DLG5: variants seen among roughly 807,000 people sequenced by gnomAD.
The protein encoded by DLG5 is discs large MAGUK scaffold protein 5, also known as disks large homolog 5.
In DLG5, 48 loss-of-function variants were observed where a neutral mutation model predicts 189.8. That is an observed-to-expected ratio of 0.25 (90% confidence interval 0.20 to 0.32). DLG5 has a LOEUF of 0.32. Ranked by LOEUF, DLG5 falls within the 10% of genes least tolerant of loss-of-function variation. DLG5 has a pLI of 1.00. For synonymous variants in DLG5, 1,016 were observed against 1,054.1 expected (o/e 0.96, Z 0.70); for missense variants, 2,160 against 2,544.7 (o/e 0.85, Z 3.25).
At chr10:77,806,011 G>A (rs185398005) in intron 26 of DLG5, 150 bp from the exon 27 acceptor site, 63 of 722,188 alleles carry the variant, frequency 8.7e-5, no homozygotes, top group African/African-American at 8.3e-4. Context: ...CTCCTCCCAC[G>A]CCCCTGGGAA....
chr10:77,888,512 T>C (rs1564577026), intron 1 of DLG5, among the ~76,000 whole-genome samples: 1 of 152,210 alleles, frequency 6.6e-6, no homozygotes, highest in Non-Finnish European at 1.5e-5. Flanking sequence ...AATGTGTTAA[T>C]ATTCATCAGG....
In DLG5 at chr10:77,816,579, C is replaced by T. The variant is rs145369443; in HGVS notation, c.3997G>A (p.Ala1333Thr). 4.3e-6 allele frequency: 7 copies of T among 1,614,014 alleles called. No individual in the cohort carries two copies. Among genetic ancestry groups the T allele is most frequent in the African/African-American group, 2.7e-5 (2 of 74,926 alleles). Residue 1333 changes from alanine (A) to threonine (T), a missense_variant, in exon 20 of 32, where the codon GCG becomes ACG. By Grantham distance (58) the Ala-to-Thr change is moderately conservative. Coordinates refer to ENST00000372391, the MANE Select transcript of DLG5 (RefSeq NM_004747.4). ...TCCTTTCTCCGCTCCCCGAGGGACG[C>T]GGGGTTGACAGCGATTCTGGGCAAT... The part of the protein sequence containing the change: ...STLPRIAVNP[A>T]SLGERRKDRP...
At chr10:77,913,943 T>C (rs1846293198) in intron 1 of DLG5, among the ~76,000 whole-genome samples, 2 of 152,124 alleles carry the variant, frequency 1.3e-5, no homozygotes, top group African/African-American at 2.4e-5. Flanking sequence ...GGGAGAATGG[T>C]TCTTCCTTAA....
chr10:77,927,048 AC>A, upstream of DLG5: 1 of 231,824 alleles, frequency 4.3e-6, no homozygotes, highest in Non-Finnish European at 8.5e-6. Context: ...GGCCCGGCTC[AC>A]CGGGGCCCCG....
At position 77,856,778 on chromosome 10, in the gene DLG5, A is replaced by G. The variant is rs1295464709; in HGVS notation, c.488T>C (p.Leu163Pro). ...LRLMTRERNE[L>P]RKRLAFATHG... Reference sequence around the variant, plus strand: ...CGTAGCAAAGGCCAGGCGCTTGCGGAGCTCGTTTCTCTCCCGGGTCATCAG... The same window carrying G: ...CGTAGCAAAGGCCAGGCGCTTGCGGGGCTCGTTTCTCTCCCGGGTCATCAG... The change falls in exon 3 of 32, where the codon CTC (leucine) becomes CCC (proline). Residue 163 changes from leucine (L) to proline (P), a missense_variant. Transcript: ENST00000372391. The G allele has an allele frequency of 6.2e-7, 1 of 1,613,442 alleles. No homozygotes were observed.
chr10:77,796,153 C>T lies in DLG5; in HGVS notation c.5344G>A (p.Gly1782Ser). 1 of 1,614,194 alleles carries T rather than the reference C, an allele frequency of 6.2e-7. No homozygotes were observed. Among genetic ancestry groups the T allele is most frequent in the Non-Finnish European group, 8.5e-7 (1 of 1,180,040 alleles). The change falls in exon 29 of 32, where the codon GGT becomes AGT. Residue 1782 changes from glycine to serine, a missense_variant. By Grantham distance (56) the Gly-to-Ser change is moderately conservative. Coordinates refer to ENST00000372391, the MANE Select transcript of DLG5 (RefSeq NM_004747.4). This position sits in a 1 kb window ranked among gnomAD's most constrained non-coding sequence, Gnocchi z 5.2. The stretch of plus-strand genomic sequence containing the variant: ...TCGACAAACAGGCAATCTTTGACAC[C>T]CCGCTCAATGGCCTGCTGGGAGGCC... ...MKASQQAIER[G>S]VKDCLFVDYK...
chr10:77,900,827 C>T (rs531065689), intron 1 of DLG5, among the ~76,000 whole-genome samples: 2 of 152,294 alleles, frequency 1.3e-5, no homozygotes, highest in African/African-American at 2.4e-5. Context: ...CCCAGCTACT[C>T]AGGAGGCTGA....
intron 22 of DLG5, 43 bp downstream of exon 22, chr10:77,811,881 T>C: frequency 1.9e-6 from 3 of 1,568,942 alleles, no homozygotes; most frequent in Non-Finnish European, 2.6e-6. Context: ...TGCACCCACC[T>C]CTCCACCCCC....
In DLG5 at chr10:77,857,141, C is replaced by G. The variant is rs368454114; in HGVS notation, c.374-249G>C. On this transcript the variant is annotated intron_variant, in intron 2 of 31. Coordinates refer to ENST00000372391, the MANE Select transcript of DLG5 (RefSeq NM_004747.4). The stretch of plus-strand genomic sequence containing the variant: ...CCCAGTAACCACCCCAGCAAGGACC[C>G]TGAAGACGCGCACTCTCTCCCCAAC... Among the ~76,000 whole-genome samples the G allele has an allele frequency of 1.6e-4, 24 of 152,262 alleles. No individual in the cohort carries two copies. The South Asian group carries it at 5.0e-3, about 32-fold the overall frequency.
intron 1 of DLG5, among the ~76,000 whole-genome samples, chr10:77,881,668 A>T (rs147421148): frequency 6.6e-6 from 1 of 152,208 alleles, no homozygotes; most frequent in Non-Finnish European, 1.5e-5. Context: ...AGTTTCAGGA[A>T]GCTGTTTATG....
intron 3 of DLG5, among the ~76,000 whole-genome samples, chr10:77,855,167 T>C (rs149180495): frequency 0.014 from 2,205 of 152,250 alleles, 33 homozygotes; most frequent in Non-Finnish European, 0.02. Context: ...TTTTAAAAAC[T>C]CCCCAGGGTA....
chr10:77,799,661 T>C (rs1450385480), intron 27 of DLG5, among the ~76,000 whole-genome samples: 2 of 152,186 alleles, frequency 1.3e-5, no homozygotes, highest in African/African-American at 4.8e-5. Context: ...CAGGCTGAAG[T>C]GGAGTGGCAC....
At chr10:77,808,921 C>A (rs1319325392) in intron 24 of DLG5, among the ~76,000 whole-genome samples, 4 of 144,174 alleles carry the variant, frequency 2.8e-5, no homozygotes, top group African/African-American at 1.0e-4. Context: ...ATGATGAAAC[C>A]CCGTCTCTAC....
At chr10:77,856,258 G>A (rs1235473189) in intron 3 of DLG5, among the ~76,000 whole-genome samples, 2 of 152,150 alleles carry the variant, frequency 1.3e-5, no homozygotes, top group Non-Finnish European at 2.9e-5. Flanking sequence ...AGGCTGAGGT[G>A]GGAGGTTCAC....
intron 1 of DLG5, among the ~76,000 whole-genome samples, chr10:77,878,798 C>A (rs867821164): frequency 6.6e-6 from 1 of 152,160 alleles, no homozygotes; most frequent in Non-Finnish European, 1.5e-5. Flanking sequence ...AAAACCAGAG[C>A]GCTCACAGTG....
intron 1 of DLG5, among the ~76,000 whole-genome samples, chr10:77,924,563 T>C (rs1467447880): frequency 1.3e-5 from 2 of 152,294 alleles, no homozygotes; most frequent in African/African-American, 4.8e-5. Context: ...CATTCAGAGA[T>C]AGATTAGATA....
intron 1 of DLG5, among the ~76,000 whole-genome samples, chr10:77,914,336 T>C (rs1004296292): frequency 6.6e-6 from 1 of 152,154 alleles, no homozygotes; most frequent in South Asian, 2.1e-4. Flanking sequence ...GAGCTTGTTC[T>C]CTACTCAGGG....
intron 1 of DLG5, among the ~76,000 whole-genome samples, chr10:77,900,972 G>T (rs537313188): frequency 1.3e-5 from 2 of 149,428 alleles, no homozygotes; most frequent in African/African-American, 5.0e-5. Flanking sequence ...CAAGCAAGCC[G>T]GGCATGGTGG....
At chr10:77,849,044 C>A (rs536456423) in intron 5 of DLG5, among the ~76,000 whole-genome samples, 52 of 152,320 alleles carry the variant, frequency 3.4e-4, no homozygotes, top group African/African-American at 1.2e-3. Context: ...CTCGGACTGC[C>A]CAAACCCAGA....
Sources: gnomAD v4.1 joint callset for allele counts (sites outside exome capture counted in the v4.1 genomes callset) on GRCh38, gnomAD v4.1.1 for gene constraint, Gnocchi (gnomAD v3.1) non-coding constraint, MANE v1.5 for transcripts, NCBI Gene and HGNC (gene_info 2026-07-23, HGNC 2026-07-21) for gene names.